The following TLK2 variants were observed in gnomAD, a reference collection of about 807,000 sequenced individuals.
TLK2 encodes the protein serine/threonine-protein kinase tousled-like 2.
A neutral mutation model predicts 117.3 loss-of-function variants in TLK2; 6 were observed. The observed-to-expected ratio is 0.05, with a 90% confidence interval of 0.03 to 0.10. The LOEUF is 0.10. TLK2 is among the 10% of genes least tolerant of loss of function. The pLI is 1.00. For missense variants in TLK2, 299 were observed against 901.2 expected, an observed-to-expected ratio of 0.33 and a Z score of 8.56; for synonymous variants, 257 against 316.7, an observed-to-expected ratio of 0.81 and a Z score of 2.00.
chr17:62,565,730 C>T (rs1284633606), intron 11 of TLK2, among the ~76,000 whole-genome samples: 7 of 151,026 alleles, frequency 4.6e-5, no homozygotes, highest in African/African-American at 1.5e-4. Context: ...GAAGAAAAAC[C>T]TAGGGTTTGA....
At chr17:62,597,816 C>T (rs1279054455) in intron 17 of TLK2, among the ~76,000 whole-genome samples, 8 of 152,110 alleles carry the variant, frequency 5.3e-5, no homozygotes, top group Non-Finnish European at 1.0e-4. Context: ...GGTAACCTCC[C>T]GTGCCTCTGG....
intron 7 of TLK2, among the ~76,000 whole-genome samples, chr17:62,538,617 A>C (rs988409862): frequency 6.6e-6 from 1 of 152,220 alleles, no homozygotes; most frequent in Non-Finnish European, 1.5e-5. Flanking sequence ...CCACCTACTT[A>C]GTCCTATCAG....
chr17:62,474,827 C>CT (rs748987436), upstream of TLK2, among the ~76,000 whole-genome samples: 1,246 of 140,380 alleles, frequency 8.9e-3, 10 homozygotes, highest in African/African-American at 0.022. Context: ...CACCTGGCCT[C>CT]TTTTTTTTTT....
intron 2 of TLK2, among the ~76,000 whole-genome samples, chr17:62,512,305 C>T (rs1435850808): frequency 2.8e-5 from 4 of 144,984 alleles, no homozygotes; most frequent in African/African-American, 1.0e-4. Flanking sequence ...TTACTGCAAC[C>T]TCTGCCCCCT....
At chr17:62,490,185 GTCTTC>G (rs1192188972) in intron 2 of TLK2, among the ~76,000 whole-genome samples, 3 of 152,206 alleles carry the variant, frequency 2.0e-5, no homozygotes, top group Admixed American at 2.0e-4. Flanking sequence ...GTCTTATTCT[GTCTTC>G]TCTGGCATGC....
intron 2 of TLK2, among the ~76,000 whole-genome samples, chr17:62,507,188 C>T (rs2430936): frequency 0.32 from 49,132 of 151,620 alleles, 8,153 homozygotes; most frequent in Admixed American, 0.39. Context: ...GCAGGAGAAT[C>T]GCTTGAACCC....
chr17:62,505,406 G>GCTTTTTTTTTTT (rs1220388129), intron 2 of TLK2, among the ~76,000 whole-genome samples: 1 of 22,648 alleles, frequency 4.4e-5, no homozygotes, highest in Non-Finnish European at 8.5e-5. Flanking sequence ...ACCATACCCA[G>GCTTTTTTTTTTT]ATTTTTTTTT....
chr17:62,601,478 A>G (rs991150675), intron 18 of TLK2, among the ~76,000 whole-genome samples: 1 of 152,208 alleles, frequency 6.6e-6, no homozygotes, highest in African/African-American at 2.4e-5. Context: ...ATTGCGTCTC[A>G]TTGACTATTC....
chr17:62,531,000 A>G (rs2076702734), intron 6 of TLK2, among the ~76,000 whole-genome samples: 1 of 151,940 alleles, frequency 6.6e-6, no homozygotes, highest in Non-Finnish European at 1.5e-5. Context: ...CTTTGAAGGT[A>G]TCTGCTTTTT....
intron 7 of TLK2, among the ~76,000 whole-genome samples, chr17:62,538,842 A>T (rs1026274192): frequency 6.6e-6 from 1 of 152,240 alleles, no homozygotes; most frequent in African/African-American, 2.4e-5. Flanking sequence ...GTATAAGGAA[A>T]GAAAATAGTA....
chr17:62,609,375 G>A (rs1038383395), intron 21 of TLK2, among the ~76,000 whole-genome samples: 1 of 152,182 alleles, frequency 6.6e-6, no homozygotes, highest in Non-Finnish European at 1.5e-5. Context: ...GAGCCACTGT[G>A]CCCAGCCAGT....
At chr17:62,546,879 G>A (rs2077990063) in intron 7 of TLK2, among the ~76,000 whole-genome samples, 1 of 152,008 alleles carries the variant, frequency 6.6e-6, no homozygotes, top group African/African-American at 2.4e-5. Context: ...AGATTTTCTT[G>A]ACATTGTCTT....
intron 16 of TLK2, among the ~76,000 whole-genome samples, chr17:62,594,006 T>A (rs1035596346): frequency 7.9e-5 from 12 of 151,678 alleles, no homozygotes; most frequent in Non-Finnish European, 1.3e-4. Context: ...GTGGCCAGGC[T>A]GGCCTCAAAC....
At chr17:62,594,183 G>A (rs1456206543) in intron 16 of TLK2, among the ~76,000 whole-genome samples, 2 of 152,000 alleles carry the variant, frequency 1.3e-5, no homozygotes, top group Non-Finnish European at 2.9e-5. Flanking sequence ...CATGGCAGGC[G>A]GATCACTTGA....
chr17:62,494,455 C>T (rs1210894655), intron 2 of TLK2, among the ~76,000 whole-genome samples: 7 of 152,152 alleles, frequency 4.6e-5, no homozygotes, highest in African/African-American at 9.7e-5. Context: ...TGGGGTTTCA[C>T]CTTGTTGGCC....
intron 6 of TLK2, among the ~76,000 whole-genome samples, chr17:62,526,856 T>C (rs1318074806): frequency 6.6e-6 from 1 of 152,232 alleles, no homozygotes; most frequent in Non-Finnish European, 1.5e-5. Context: ...TCCTTGTTTT[T>C]GCCCTTGTTT....
chr17:62,551,372 T>C (rs895605865), intron 7 of TLK2, among the ~76,000 whole-genome samples: 1 of 152,234 alleles, frequency 6.6e-6, no homozygotes, highest in African/African-American at 2.4e-5. Context: ...ATGTCTGTGA[T>C]GGGTCATACT....
chr17:62,585,052 T>G (rs945901452), intron 15 of TLK2, among the ~76,000 whole-genome samples: 1 of 152,224 alleles, frequency 6.6e-6, no homozygotes, highest in Non-Finnish European at 1.5e-5. Context: ...AATTGAAAGA[T>G]TACTTTATCA....
intron 1 of TLK2, among the ~76,000 whole-genome samples, chr17:62,479,603 C>T (rs1376337580): frequency 6.6e-6 from 1 of 152,140 alleles, no homozygotes; most frequent in Non-Finnish European, 1.5e-5. Flanking sequence ...CCCTCCCTTC[C>T]TCCGTGACAG....
Sources: allele counts gnomAD v4.1 joint callset (sites outside exome capture counted in the v4.1 genomes callset), GRCh38; gene constraint gnomAD v4.1.1; transcripts MANE v1.5; gene names NCBI Gene and HGNC (gene_info 2026-07-23, HGNC 2026-07-21).